The following CNTNAP2 variants were observed in gnomAD, a reference collection of about 807,000 sequenced individuals.
CNTNAP2 encodes contactin associated protein 2, also known as contactin-associated protein-like 2.
In CNTNAP2, 98 loss-of-function variants were observed where a neutral mutation model predicts 155.2. The observed-to-expected ratio is 0.63, with a 90% confidence interval of 0.54 to 0.75. The LOEUF (loss-of-function observed/expected upper bound fraction) is 0.75. CNTNAP2 is among the 30% of genes least tolerant of loss of function. CNTNAP2 has a pLI of 0.00. For missense variants in CNTNAP2, 1,727 were observed against 1,688.1 expected, an observed-to-expected ratio of 1.02 and a Z score of -0.40; for synonymous variants, 651 against 631.2, an observed-to-expected ratio of 1.03 and a Z score of -0.47.
intron 1 of CNTNAP2, among the ~76,000 whole-genome samples, chr7:146,398,350 G>A (rs192549041): frequency 3.1e-4 from 47 of 152,102 alleles, no homozygotes; most frequent in Admixed American, 1.1e-3. Context: ...CCTTCTTCAC[G>A]TGGTGGCAAG....
At chr7:148,223,491 C>G (rs1795789448) in intron 19 of CNTNAP2, among the ~76,000 whole-genome samples, 1 of 152,306 alleles carries the variant, frequency 6.6e-6, no homozygotes, top group Non-Finnish European at 1.5e-5. Context: ...TCCCTTATAA[C>G]TGCTTTAATT....
At chr7:146,320,694 A>T (rs189375427) in intron 1 of CNTNAP2, among the ~76,000 whole-genome samples, 1 of 152,316 alleles carries the variant, frequency 6.6e-6, no homozygotes, top group Admixed American at 6.5e-5. Flanking sequence ...TCATCTGATT[A>T]TACAAGTATA....
intron 1 of CNTNAP2, among the ~76,000 whole-genome samples, chr7:146,507,180 G>C (rs952975851): frequency 2.0e-5 from 3 of 152,146 alleles, no homozygotes; most frequent in Admixed American, 6.6e-5. Flanking sequence ...AGCCCTTCCT[G>C]TCACACTCTC....
chr7:147,210,590 G>C (rs1803126351), intron 8 of CNTNAP2, among the ~76,000 whole-genome samples: 1 of 151,604 alleles, frequency 6.6e-6, no homozygotes, highest in Non-Finnish European at 1.5e-5. Context: ...CTTCAATTTT[G>C]TTCAGTTCTC....
At chr7:147,496,672 A>T (rs2116658992) in intron 11 of CNTNAP2, 1 of 152,336 alleles carries the variant, frequency 6.6e-6, no homozygotes, top group African/African-American at 2.4e-5. Flanking sequence ...TCTGAAATTA[A>T]GACACCTGGA....
intron 14 of CNTNAP2, among the ~76,000 whole-genome samples, chr7:147,967,198 A>G (rs1801231072): frequency 6.6e-6 from 1 of 152,236 alleles, no homozygotes; most frequent in African/African-American, 2.4e-5. Flanking sequence ...ATGTAGATGC[A>G]CAAAGTAAAA....
intron 21 of CNTNAP2, among the ~76,000 whole-genome samples, chr7:148,372,816 G>T (rs1232037006): frequency 6.6e-6 from 1 of 152,006 alleles, no homozygotes; most frequent in African/African-American, 2.4e-5. Context: ...TCATATTTTT[G>T]TCTAACACTT....
intron 4 of CNTNAP2, among the ~76,000 whole-genome samples, chr7:147,061,561 T>C (rs1346323991): frequency 2.0e-5 from 3 of 152,202 alleles, no homozygotes; most frequent in Non-Finnish European, 4.4e-5. Context: ...CATACAGTGA[T>C]GCATGTGTGT....
rs546800748 is a variant in CNTNAP2 at position 147,707,558 on chromosome 7, G to A, written c.2098+68252G>A. ...ACAGGCCAAACATGCCTTTCCTTGG[G>A]CCCCAGGGCAACATATGCTAATATA... On this transcript the variant is annotated intron_variant, in intron 13 of 23. Coordinates refer to ENST00000361727, the MANE Select transcript of CNTNAP2 (RefSeq NM_014141.6). Among the ~76,000 whole-genome samples, 6 of 152,260 alleles carry A rather than the reference G, an allele frequency of 3.9e-5. No individual in the cohort carries two copies. The East Asian group carries it at 9.7e-4, about 25-fold the overall frequency.
intron 1 of CNTNAP2, among the ~76,000 whole-genome samples, chr7:146,388,556 TG>T (rs1160526926): frequency 6.6e-6 from 1 of 152,174 alleles, no homozygotes; most frequent in Non-Finnish European, 1.5e-5. Context: ...AAGCACATCA[TG>T]GGGAATGGGG....
rs137975665 is a variant in CNTNAP2 at position 146,717,268 on chromosome 7, C to T, written c.98-57003C>T. On this transcript the variant is annotated intron_variant, in intron 1 of 23. Coordinates refer to ENST00000361727, the MANE Select transcript of CNTNAP2 (RefSeq NM_014141.6). ...TTTAACCTAGTTTTCTTTGGGAGGCCGAGGCGGGTGGATCACCTGAGGTCA... is the reference window on the plus strand; with the variant it reads ...TTTAACCTAGTTTTCTTTGGGAGGCTGAGGCGGGTGGATCACCTGAGGTCA... Among the ~76,000 whole-genome samples the T allele has an allele frequency of 1.4e-3, 218 of 151,358 alleles. 1 individual carries two copies. Among genetic ancestry groups the T allele is most frequent in the African/African-American group, 3.9e-3 (160 of 41,228 alleles).
At chr7:147,567,495 G>A (rs75046012) in intron 12 of CNTNAP2, among the ~76,000 whole-genome samples, 4,383 of 152,192 alleles carry the variant, frequency 0.029, 226 homozygotes, top group African/African-American at 0.1. Context: ...AAACAAGTTC[G>A]AAAGCCCCCG....
chr7:148,214,861 G>A (rs961792898), intron 18 of CNTNAP2, among the ~76,000 whole-genome samples: 7 of 152,240 alleles, frequency 4.6e-5, no homozygotes, highest in Admixed American at 2.0e-4. Flanking sequence ...GAGCCACCGC[G>A]CCCCGCCCAG....
intron 16 of CNTNAP2, among the ~76,000 whole-genome samples, chr7:148,125,091 G>C (rs941091869): frequency 6.6e-6 from 1 of 152,014 alleles, no homozygotes; most frequent in Non-Finnish European, 1.5e-5. Context: ...TAAATATATG[G>C]TCATCTAAAT....
At chr7:147,779,815 C>G (rs979786066) in intron 13 of CNTNAP2, among the ~76,000 whole-genome samples, 2 of 152,190 alleles carry the variant, frequency 1.3e-5, no homozygotes, top group African/African-American at 4.8e-5. Flanking sequence ...TCTACCTTTT[C>G]AACTAGTTTC....
At chr7:147,315,767 C>G (rs1322680944) in intron 9 of CNTNAP2, among the ~76,000 whole-genome samples, 1 of 152,118 alleles carries the variant, frequency 6.6e-6, no homozygotes, top group East Asian at 1.9e-4. Context: ...GCGTGAGCCA[C>G]CACACCTGGC....
rs1482118124 is a variant in CNTNAP2, at chr7:148,165,567, T to G, written c.2774-6675T>G. On this transcript the variant is annotated intron_variant, in intron 17 of 23. Coordinates refer to ENST00000361727, the MANE Select transcript of CNTNAP2 (RefSeq NM_014141.6). ...AACAGCTACCAGTAACTAGAATTAG[T>G]GCAAAGAAGTGCATTATCTGTTATT... Among the ~76,000 whole-genome samples the G allele has an allele frequency of 2.0e-5, 3 of 152,178 alleles. No homozygotes were observed. In the East Asian group the frequency reaches 5.8e-4, roughly 29 times the overall value.
At chr7:146,425,902 A>G (rs951473629) in intron 1 of CNTNAP2, among the ~76,000 whole-genome samples, 2 of 151,912 alleles carry the variant, frequency 1.3e-5, no homozygotes, top group African/African-American at 4.8e-5. Flanking sequence ...AAAACAAAAA[A>G]AGGCTGGGCC....
intron 22 of CNTNAP2, among the ~76,000 whole-genome samples, chr7:148,390,204 T>C (rs890777465): frequency 1.3e-5 from 2 of 152,196 alleles, no homozygotes; most frequent in African/African-American, 2.4e-5. Flanking sequence ...CTCCGGCCAT[T>C]TTATAAGGAA....
Sources: gnomAD v4.1 joint callset for allele counts (sites outside exome capture counted in the v4.1 genomes callset) on GRCh38, gnomAD v4.1.1 for gene constraint, MANE v1.5 for transcripts, NCBI Gene and HGNC (gene_info 2026-07-23, HGNC 2026-07-21) for gene names.